The following TECRL variants were observed in gnomAD, a reference collection of about 807,000 sequenced individuals.
TECRL encodes the protein trans-2,3-enoyl-CoA reductase-like.
A neutral mutation model predicts 52.8 loss-of-function variants in TECRL; 63 were observed. The ratio of observed to expected loss-of-function variants is 1.19; its 90% CI spans 0.97 to 1.47. TECRL has a LOEUF of 1.47. Among genes scored for constraint, TECRL ranks in the 40% most tolerant of loss-of-function variants. The pLI, the probability that TECRL is intolerant of heterozygous loss-of-function variation, is 0.00. For missense variants in TECRL, 482 were observed against 429.6 expected (o/e 1.12, Z -1.08); for synonymous variants, 164 against 141.9 (o/e 1.16, Z -1.10).
chr4:64,359,791 C>T (rs936889319), intron 2 of TECRL, among the ~76,000 whole-genome samples: 1 of 152,012 alleles, frequency 6.6e-6, no homozygotes, highest in East Asian at 1.9e-4. Flanking sequence ...AATAGAATCT[C>T]ACCATTTATA....
intron 1 of TECRL, among the ~76,000 whole-genome samples, chr4:64,389,947 A>G (rs750525999): frequency 1.3e-5 from 2 of 151,896 alleles, no homozygotes; most frequent in African/African-American, 2.4e-5. Flanking sequence ...CCAATGGAAT[A>G]TGAACAGAAG....
At chr4:64,312,313 T>C (rs1717072877) in intron 5 of TECRL, among the ~76,000 whole-genome samples, 2 of 152,166 alleles carry the variant, frequency 1.3e-5, no homozygotes, top group Admixed American at 1.3e-4. Context: ...GATACCTAAA[T>C]CTAGGTACCT....
intron 1 of TECRL, among the ~76,000 whole-genome samples, chr4:64,376,457 A>T (rs1289159699): frequency 6.6e-6 from 1 of 151,974 alleles, no homozygotes; most frequent in Non-Finnish European, 1.5e-5. Flanking sequence ...AACAGTTTAT[A>T]TAGAGAGTAA....
chr4:64,311,217 A>G (rs1399566997), intron 5 of TECRL, among the ~76,000 whole-genome samples: 1 of 152,180 alleles, frequency 6.6e-6, no homozygotes, highest in Non-Finnish European at 1.5e-5. Context: ...TCAGCAGCAA[A>G]TTTATCATTA....
chr4:64,301,784 C>T (rs929017086), intron 7 of TECRL, among the ~76,000 whole-genome samples: 1 of 150,802 alleles, frequency 6.6e-6, no homozygotes, highest in African/African-American at 2.4e-5. Flanking sequence ...TAAACATATG[C>T]CTTATTCTTA....
chr4:64,381,071 C>A (rs1188049628), intron 1 of TECRL, among the ~76,000 whole-genome samples: 1 of 151,998 alleles, frequency 6.6e-6, no homozygotes, highest in Non-Finnish European at 1.5e-5. Context: ...TCTTCAATTT[C>A]TTTCATCAGA....
intron 5 of TECRL, among the ~76,000 whole-genome samples, chr4:64,314,262 A>G (rs543959479): frequency 6.6e-6 from 1 of 152,142 alleles, no homozygotes; most frequent in African/African-American, 2.4e-5. Context: ...CCTATGTAAC[A>G]TTGCCAAATA....
intron 2 of TECRL, among the ~76,000 whole-genome samples, chr4:64,360,271 C>A (rs1721084034): frequency 1.3e-5 from 2 of 151,622 alleles, no homozygotes; most frequent in Non-Finnish European, 1.5e-5. Context: ...TTTTAAATGT[C>A]AGATAGTCAC....
intron 1 of TECRL, among the ~76,000 whole-genome samples, chr4:64,378,894 T>TTTTC (rs5858885): frequency 6.6e-6 from 1 of 151,558 alleles, no homozygotes; most frequent in African/African-American, 2.4e-5. Flanking sequence ...ATTGTATCAA[T>TTTTC]TTTGTTTATA....
intron 2 of TECRL, among the ~76,000 whole-genome samples, chr4:64,374,052 C>CATATATATATATATAGTAG (rs1560538656): frequency 9.4e-6 from 1 of 106,012 alleles, no homozygotes; most frequent in East Asian, 2.6e-4. Context: ...ATAGTAGATA[C>CATATATATATATATAGTAG]ATATATATAT....
intron 2 of TECRL, among the ~76,000 whole-genome samples, chr4:64,363,542 C>T (rs950752297): frequency 3.3e-5 from 5 of 152,226 alleles, no homozygotes; most frequent in Admixed American, 3.3e-4. Flanking sequence ...TTGGCTGGAA[C>T]AGGAACTCAC....
chr4:64,317,602 G>A (rs142244624), intron 4 of TECRL, among the ~76,000 whole-genome samples: 122 of 152,306 alleles, frequency 8.0e-4, no homozygotes, highest in African/African-American at 2.9e-3. Flanking sequence ...AATACAGTAA[G>A]ATCACTTTGT....
intron 1 of TECRL, among the ~76,000 whole-genome samples, chr4:64,392,660 G>A (rs1723625364): frequency 6.6e-6 from 1 of 151,830 alleles, no homozygotes; most frequent in Admixed American, 6.6e-5. Flanking sequence ...TATATTTATT[G>A]TCTGTCAGCT....
intron 1 of TECRL, among the ~76,000 whole-genome samples, chr4:64,382,909 G>A (rs1044126323): frequency 2.0e-5 from 3 of 151,692 alleles, no homozygotes; most frequent in African/African-American, 7.3e-5. Context: ...TTTTCATGGT[G>A]GTAGATATTA....
intron 9 of TECRL, among the ~76,000 whole-genome samples, chr4:64,288,210 A>T (rs1023437836): frequency 1.3e-5 from 2 of 152,058 alleles, no homozygotes; most frequent in African/African-American, 4.8e-5. Context: ...ACAACTCACA[A>T]CATCAACAAG....
chr4:64,360,390 T>C (rs1721090436), intron 2 of TECRL, among the ~76,000 whole-genome samples: 1 of 152,200 alleles, frequency 6.6e-6, no homozygotes, highest in African/African-American at 2.4e-5. Flanking sequence ...TATATTCAAG[T>C]TGTTGAACTA....
chr4:64,405,024 C>A (rs1483894692), intron 1 of TECRL, among the ~76,000 whole-genome samples: 3 of 151,506 alleles, frequency 2.0e-5, no homozygotes, highest in Non-Finnish European at 4.4e-5. Context: ...AACAAACAAT[C>A]TGATATTTTT....
At chr4:64,383,707 T>A (rs1475275855) in intron 1 of TECRL, among the ~76,000 whole-genome samples, 2 of 152,124 alleles carry the variant, frequency 1.3e-5, no homozygotes, top group South Asian at 4.1e-4. Flanking sequence ...TTTAATATTA[T>A]CTTGAATTTA....
At chr4:64,351,040 A>G in intron 2 of TECRL, among the ~76,000 whole-genome samples, 1 of 29,782 alleles carries the variant, frequency 3.4e-5, no homozygotes, top group Non-Finnish European at 1.2e-4. Context: ...AAAAAGCCAG[A>G]CACAGAGGAT....
Sources: allele counts gnomAD v4.1 joint callset (sites outside exome capture counted in the v4.1 genomes callset), GRCh38; gene constraint gnomAD v4.1.1; transcripts MANE v1.5; gene names NCBI Gene and HGNC (gene_info 2026-07-23, HGNC 2026-07-21).